The following LDB2 variants were observed in gnomAD, a reference collection of about 807,000 sequenced individuals.
LDB2 encodes LIM domain-binding protein 2.
A neutral mutation model predicts 44.3 loss-of-function variants in LDB2; 12 were observed. The ratio of observed to expected loss-of-function variants is 0.27; its 90% CI spans 0.17 to 0.44. LDB2 has a LOEUF of 0.44. Among genes scored for constraint, LDB2 ranks in the 20% least tolerant of loss-of-function variants. The pLI is 1.00. For missense variants in LDB2, 344 were observed against 473.5 expected (o/e 0.73, Z 2.54); for synonymous variants, 164 against 174.8 (o/e 0.94, Z 0.49).
At position 16,510,929 on chromosome 4, in the gene LDB2, C is replaced by T. The variant is rs368061382; in HGVS notation, c.739+1052G>A. ...AATATAGCACTTGCTGAGTGGATTACGTTTTCTCCATAAAGTCTTATTAGC... is the reference window on the plus strand; with the variant it reads ...AATATAGCACTTGCTGAGTGGATTATGTTTTCTCCATAAAGTCTTATTAGC... On this transcript the variant is annotated intron_variant, in intron 6 of 7. Coordinates refer to ENST00000304523, the MANE Select transcript of LDB2 (RefSeq NM_001290.5). Among the ~76,000 whole-genome samples the T allele has an allele frequency of 7.9e-5, 12 of 152,102 alleles. No homozygotes were observed. The East Asian group carries it at 1.5e-3, about 20-fold the overall frequency.
chr4:16,661,833 G>T (rs1458355057), intron 2 of LDB2, among the ~76,000 whole-genome samples: 2 of 152,124 alleles, frequency 1.3e-5, no homozygotes, highest in African/African-American at 2.4e-5. Flanking sequence ...TTAAACCTGA[G>T]GAATTTCTTA....
intron 2 of LDB2, among the ~76,000 whole-genome samples, chr4:16,740,029 G>A (rs1762922030): frequency 6.6e-6 from 1 of 151,572 alleles, no homozygotes. Context: ...ACATGAGGGA[G>A]GTTTTTTGAA....
chr4:16,558,737 C>T (rs988769662), intron 5 of LDB2, among the ~76,000 whole-genome samples: 4 of 152,060 alleles, frequency 2.6e-5, no homozygotes, highest in Admixed American at 2.6e-4. Context: ...TCGAGAAGAG[C>T]AACTCCAAGA....
rs574567565 is a variant in LDB2 at position 16,567,341 on chromosome 4, C to T, written c.615+18581G>A. 2.6e-5 allele frequency among the ~76,000 whole-genome samples: 4 copies of T among 152,050 alleles called. No homozygotes were observed. In the East Asian group the frequency reaches 7.7e-4, roughly 29 times the overall value. On this transcript the variant is annotated intron_variant, in intron 5 of 7. Coordinates refer to ENST00000304523, the MANE Select transcript of LDB2 (RefSeq NM_001290.5). ...ATTGCTTTTATAAAGAATGCCACTG[C>T]TCAACGGTTAGCACTGCAGACATAG...
intron 1 of LDB2, among the ~76,000 whole-genome samples, chr4:16,796,202 T>C (rs1345211368): frequency 1.3e-5 from 2 of 152,074 alleles, no homozygotes; most frequent in South Asian, 4.2e-4. Context: ...GGAGGATTCC[T>C]TGGGCCAAGA....
chr4:16,889,872 G>A (rs1024350728), intron 1 of LDB2, among the ~76,000 whole-genome samples: 9 of 152,200 alleles, frequency 5.9e-5, no homozygotes, highest in Non-Finnish European at 1.0e-4. Context: ...AATTTTAATT[G>A]TTTGAGGAAG....
At chr4:16,845,292 A>T (rs896850496) in intron 1 of LDB2, among the ~76,000 whole-genome samples, 5 of 152,198 alleles carry the variant, frequency 3.3e-5, no homozygotes. Flanking sequence ...TGCAATCACA[A>T]CTGCAATGCA....
chr4:16,651,691 T>G (rs1326501856), intron 2 of LDB2, among the ~76,000 whole-genome samples: 1 of 152,180 alleles, frequency 6.6e-6, no homozygotes, highest in African/African-American at 2.4e-5. Context: ...CGGCTAGACT[T>G]TCCTAGACTC....
Position 16,528,419 on chromosome 4 carries a change from C to T in LDB2, c.616-16315G>A, listed in dbSNP as rs192289680. Among the ~76,000 whole-genome samples the T allele has an allele frequency of 1.9e-3, 290 of 152,192 alleles. 4 individuals carry two copies. The highest frequency in any genetic ancestry group is 6.3e-3 in the African/African-American group (262 of 41,528). On this transcript the variant is annotated intron_variant, in intron 5 of 7. Coordinates refer to ENST00000304523, the MANE Select transcript of LDB2 (RefSeq NM_001290.5). ...TGTCATTAAAGGCAATGGCAAAAAC[C>T]GCAATCATTTTTGCACCAACCTAAT...
At chr4:16,525,503 T>C (rs1727876823) in intron 5 of LDB2, among the ~76,000 whole-genome samples, 1 of 152,186 alleles carries the variant, frequency 6.6e-6, no homozygotes, top group African/African-American at 2.4e-5. Flanking sequence ...AAAGTAAGAT[T>C]CATGTTGATG....
intron 2 of LDB2, among the ~76,000 whole-genome samples, chr4:16,630,346 A>T (rs1388932705): frequency 6.6e-6 from 1 of 152,222 alleles, no homozygotes; most frequent in Non-Finnish European, 1.5e-5. Flanking sequence ...TAAGCTTCAT[A>T]AGTGAAAGAG....
intron 2 of LDB2, among the ~76,000 whole-genome samples, chr4:16,730,379 A>C (rs949261791): frequency 6.6e-6 from 1 of 152,206 alleles, no homozygotes; most frequent in African/African-American, 2.4e-5. Context: ...TGTACACTCT[A>C]AATTCCACAG....
chr4:16,572,115 C>T (rs962397648), intron 5 of LDB2, among the ~76,000 whole-genome samples: 1 of 152,134 alleles, frequency 6.6e-6, no homozygotes, highest in Non-Finnish European at 1.5e-5. Context: ...CAGTGAAGCC[C>T]GCCAGTTCCT....
intron 5 of LDB2, among the ~76,000 whole-genome samples, chr4:16,546,691 G>A (rs1735889585): frequency 9.2e-5 from 14 of 152,136 alleles, no homozygotes; most frequent in Admixed American, 9.2e-4. Flanking sequence ...GTCACTAAAA[G>A]CCCTCTCTTT....
At chr4:16,864,191 T>C (rs1713823393) in intron 1 of LDB2, among the ~76,000 whole-genome samples, 2 of 152,178 alleles carry the variant, frequency 1.3e-5, no homozygotes, top group Non-Finnish European at 2.9e-5. Context: ...ACAGATTTTT[T>C]TTCAGTTGCT....
chr4:16,866,194 G>T (rs879803648), intron 1 of LDB2, among the ~76,000 whole-genome samples: 1 of 152,024 alleles, frequency 6.6e-6, no homozygotes, highest in Non-Finnish European at 1.5e-5. Context: ...TACACAAAAA[G>T]GCATCAATAT....
At chr4:16,693,112 A>G (rs2152606461) in intron 2 of LDB2, among the ~76,000 whole-genome samples, 1 of 152,324 alleles carries the variant, frequency 6.6e-6, no homozygotes, top group African/African-American at 2.4e-5. Context: ...GGCTTCAGGC[A>G]GGATATTGGC....
At chr4:16,775,239 C>A (rs775502900) in intron 1 of LDB2, among the ~76,000 whole-genome samples, 1 of 152,112 alleles carries the variant, frequency 6.6e-6, no homozygotes, top group East Asian at 1.9e-4. Flanking sequence ...AGAGTAAATG[C>A]CCAACAAAGG....
chr4:16,794,976 T>C (rs1470650125), intron 1 of LDB2, among the ~76,000 whole-genome samples: 1 of 152,052 alleles, frequency 6.6e-6, no homozygotes, highest in Non-Finnish European at 1.5e-5. Flanking sequence ...TGAGCGAAAA[T>C]CCAGGCAGGA....
Sources: gnomAD v4.1 joint callset for allele counts (sites outside exome capture counted in the v4.1 genomes callset) on GRCh38, gnomAD v4.1.1 for gene constraint, MANE v1.5 for transcripts, NCBI Gene and HGNC (gene_info 2026-07-23, HGNC 2026-07-21) for gene names.